The following RCOR3 variants were observed in gnomAD, a reference collection of about 807,000 sequenced individuals.
RCOR3 encodes REST corepressor 3.
RCOR3 carries 13 observed loss-of-function variants against 64.1 expected under a neutral mutation model. That is an observed-to-expected ratio of 0.20 (90% CI 0.13 to 0.32). The LOEUF is 0.32. Among genes scored for constraint, RCOR3 ranks in the 10% least tolerant of loss-of-function variants. The probability of loss-of-function intolerance (pLI) is 1.00; values close to 1 mark genes in which losing one functional copy is unlikely to be tolerated. For missense variants in RCOR3, 489 were observed against 701.2 expected (o/e 0.70, Z 3.42); for synonymous variants, 215 against 239.0 (o/e 0.90, Z 0.93).
chr1:211,308,542 T>C (rs148639738), intron 10 of RCOR3, among the ~76,000 whole-genome samples: 11 of 152,086 alleles, frequency 7.2e-5, no homozygotes, highest in African/African-American at 2.7e-4. Context: ...AAAATTAATG[T>C]TTCCCAGTTA....
In RCOR3 at chr1:211,295,541, A is replaced by T. The variant is rs74696020; in HGVS notation, c.940-135A>T. 27 of 684,366 alleles carry T rather than the reference A, an allele frequency of 3.9e-5. No homozygotes were observed. The East Asian group carries it at 6.8e-4, about 17-fold the overall frequency. The allele number at this position is 684,366 out of a possible 1,614,324, so 42.4% of individuals were successfully genotyped here. On this transcript the variant is annotated intron_variant, in intron 8 of 11. Coordinates refer to ENST00000419091, the MANE Select transcript of RCOR3 (RefSeq NM_001136223.3). ...TGAATTAGTGGCATGTCATACCCCA[A>T]GTGTGATTAGTATGACTATTCTCCT... is the stretch of plus-strand genomic sequence containing the variant.
intron 5 of RCOR3, among the ~76,000 whole-genome samples, chr1:211,277,866 G>C (rs550052534): frequency 5.9e-5 from 9 of 152,118 alleles, no homozygotes; most frequent in African/African-American, 2.2e-4. Context: ...GAACTTCTGG[G>C]GACATTCTCA....
Position 211,289,219 on chromosome 1 carries a change from T to TA in RCOR3, c.762_763insA (p.Gly255ArgfsTer18). The TA allele has an allele frequency of 6.2e-7, 1 of 1,614,132 alleles. No homozygotes were observed. The highest frequency in any genetic ancestry group is 8.5e-7 in the Non-Finnish European group (1 of 1,180,012). ...CTGTCCAAACTAGCAAGATTGGACT[T>TA]GGAAGAAGAGAGTATCAGAGTTTAC... is the stretch of plus-strand genomic sequence containing the variant. On this transcript the variant is annotated frameshift_variant, in exon 8 of 12. Transcript: ENST00000419091. LOFTEE classifies it high-confidence loss of function.
At position 211,313,890 on chromosome 1, in the gene RCOR3, T is replaced by G; in HGVS notation, c.*122T>G. 1 of 922,854 alleles carries G rather than the reference T, an allele frequency of 1.1e-6. No individual in the cohort carries two copies. The highest frequency in any genetic ancestry group is 1.6e-6 in the Non-Finnish European group (1 of 624,238). 57.2% of individuals were successfully genotyped at this position (922,854 alleles called of 1,614,324 possible). A position where few individuals can be genotyped will look rare whatever the true frequency, so the allele number is the denominator to read the frequency against. On this transcript the variant is annotated 3_prime_UTR_variant, in exon 12 of 12. Coordinates refer to ENST00000419091, the MANE Select transcript of RCOR3 (RefSeq NM_001136223.3). This position sits in a 1 kb window ranked among gnomAD's most constrained non-coding sequence, Gnocchi z 4.7. ...ATACTGAGGCTGCGAACTAGTTCTG[T>G]GGCAGTGGACTAGCATAAGTGGATG...
In RCOR3 at chr1:211,313,344, C is replaced by T. The variant is rs1701679299; in HGVS notation, c.1318-80C>T. 1.3e-6 allele frequency: 2 copies of T among 1,504,092 alleles called. No individual in the cohort carries two copies. Among genetic ancestry groups the T allele is most frequent in the Non-Finnish European group, 1.8e-6 (2 of 1,129,938 alleles). The allele number at this position is 1,504,092 out of a possible 1,614,324, so 93.2% of individuals were successfully genotyped here. A position where few individuals can be genotyped will look rare whatever the true frequency, so the allele number is the denominator to read the frequency against. On this transcript the variant is annotated intron_variant, in intron 11 of 11. Transcript: ENST00000419091. The surrounding 1 kb of genome is among the most constrained non-coding windows in gnomAD (Gnocchi z 4.7). ...TTTGTTTTGATTTGTTTTGTTTTTC[C>T]TGTGACAGCCCAAACTATATTGTAT...
At chr1:211,308,698 T>TTTTTTTTTTTTTTTTGTG (rs1701171863) in intron 10 of RCOR3, among the ~76,000 whole-genome samples, 1 of 40,874 alleles carries the variant, frequency 2.4e-5, no homozygotes, top group African/African-American at 6.9e-5. Context: ...TTTTTTTTTT[T>TTTTTTTTTTTTTTTTGTG]TGTGTAGTCC....
rs1189401665 is a variant in RCOR3, at chr1:211,314,669, A to G, written c.*901A>G. On this transcript the variant is annotated 3_prime_UTR_variant, in exon 12 of 12. Coordinates refer to ENST00000419091, the MANE Select transcript of RCOR3 (RefSeq NM_001136223.3). ...CCTACATCTGGGGACTTCAGAGAAG[A>G]ATTATATTTTGTTAGTTAAGTAGAC... 6.6e-6 allele frequency: 1 copy of G among 152,152 alleles called. No homozygotes were observed. The highest frequency in any genetic ancestry group is 1.5e-5 in the Non-Finnish European group (1 of 68,002). The allele number at this position is 152,152 out of a possible 1,614,324, so 9.4% of individuals were successfully genotyped here.
intron 10 of RCOR3, among the ~76,000 whole-genome samples, chr1:211,307,940 C>G (rs1351189073): frequency 1.3e-5 from 2 of 151,982 alleles, no homozygotes; most frequent in African/African-American, 4.8e-5. Flanking sequence ...GTTACCTTTT[C>G]TTGTAGTTCA....
Position 211,295,906 on chromosome 1 carries a change from A to G in RCOR3, c.1017+153A>G, listed in dbSNP as rs144224972. ...TATTATGTCTCTTTTTATTTAGATG[A>G]TCTTATGAGGCTTGGTTAATCATTT... On this transcript the variant is annotated intron_variant, in intron 9 of 11. Transcript: ENST00000419091. Among the ~76,000 whole-genome samples, 1,159 of 152,272 alleles carry G rather than the reference A, an allele frequency of 7.6e-3. 16 individuals carry two copies. Among genetic ancestry groups the G allele is most frequent in the African/African-American group, 0.026 (1,095 of 41,554 alleles).
rs190620859 is a variant in RCOR3, at chr1:211,268,456, C to G, written c.224-2776C>G. Among the ~76,000 whole-genome samples the G allele has an allele frequency of 9.9e-4, 147 of 149,006 alleles. 2 individuals carry two copies. The East Asian group carries it at 0.028, about 29-fold the overall frequency. On this transcript the variant is annotated intron_variant, in intron 2 of 11. Coordinates refer to ENST00000419091, the MANE Select transcript of RCOR3 (RefSeq NM_001136223.3). ...GTGCAATGGTGTGATCTCGGCTCAC[C>G]GCAACCTCCGCCTCCCAGGTTCAAG...
rs760986157 is a variant in RCOR3, at chr1:211,276,444, G to T, written c.516+26G>T. 5 of 1,587,404 alleles carry T rather than the reference G, an allele frequency of 3.1e-6. No individual in the cohort carries two copies. In the South Asian group the frequency reaches 4.6e-5, roughly 14 times the overall value. On this transcript the variant is annotated intron_variant, in intron 5 of 11. Transcript: ENST00000419091. Reference sequence around the variant, plus strand: ...GTATGGTAATTTTAATCTTACTGTGGTTCATATGTGAATGATATCTTAAGC... The same window carrying T: ...GTATGGTAATTTTAATCTTACTGTGTTTCATATGTGAATGATATCTTAAGC...
intron 2 of RCOR3, among the ~76,000 whole-genome samples, chr1:211,264,012 A>G (rs1343261163): frequency 6.6e-6 from 1 of 152,074 alleles, no homozygotes; most frequent in Non-Finnish European, 1.5e-5. Context: ...TTGTAGAGAA[A>G]AGGTTTCACC....
intron 7 of RCOR3, among the ~76,000 whole-genome samples, chr1:211,281,278 T>C (rs1048652603): frequency 1.3e-5 from 2 of 152,210 alleles, no homozygotes; most frequent in Non-Finnish European, 2.9e-5. Flanking sequence ...GTCTCAATTT[T>C]AGTGGCATCT....
In RCOR3 at chr1:211,313,506, C is replaced by T. The variant is rs1701694007; in HGVS notation, c.1400C>T (p.Ala467Val). 3 of 1,614,060 alleles carry T rather than the reference C, an allele frequency of 1.9e-6. No individual in the cohort carries two copies. Among genetic ancestry groups the T allele is most frequent in the Non-Finnish European group, 2.5e-6 (3 of 1,180,036 alleles). Residue 467 changes from alanine (A) to valine (V), a missense_variant, in exon 12 of 12, where the codon GCC becomes GTC. Around this residue, in one of 2 missense-constraint regions of RCOR3, gnomAD observed 402 missense variants for 617.0 expected, o/e 0.65. Coordinates refer to ENST00000419091, the MANE Select transcript of RCOR3 (RefSeq NM_001136223.3). This position sits in a 1 kb window ranked among gnomAD's most constrained non-coding sequence, Gnocchi z 4.7. ...ACTCCAACACCAACAGCCCCTATTG[C>T]CACTCTGAACCAGCCTCCACCACTT... is the stretch of plus-strand genomic sequence containing the variant. ...SSTPTPTAPI[A>V]TLNQPPPLLR...
intron 9 of RCOR3, among the ~76,000 whole-genome samples, chr1:211,298,794 C>T (rs1392776473): frequency 6.6e-6 from 1 of 152,046 alleles, no homozygotes; most frequent in Non-Finnish European, 1.5e-5. Context: ...ATCACGAGGT[C>T]AGGAGATCGA....
intron 7 of RCOR3, among the ~76,000 whole-genome samples, chr1:211,281,741 A>G (rs1257810907): frequency 2.0e-5 from 3 of 151,880 alleles, no homozygotes; most frequent in Admixed American, 6.6e-5. Flanking sequence ...ATTCCTCACA[A>G]CTCTACAAGA....
Position 211,313,310 on chromosome 1 carries a change from T to C in RCOR3, c.1318-114T>C, listed in dbSNP as rs368536517. 32 of 1,457,308 alleles carry C rather than the reference T, an allele frequency of 2.2e-5. No individual in the cohort carries two copies. Among genetic ancestry groups the C allele is most frequent in the African/African-American group, 2.9e-5 (2 of 70,012 alleles). 90.3% of individuals were successfully genotyped at this position (1,457,308 alleles called of 1,614,324 possible). ...GTGCTTCCAATAAACACTGGTGTTA[T>C]GTTTTTGTTTTGTTTTGATTTGTTT... On this transcript the variant is annotated intron_variant, in intron 11 of 11. Coordinates refer to ENST00000419091, the MANE Select transcript of RCOR3 (RefSeq NM_001136223.3). This position sits in a 1 kb window ranked among gnomAD's most constrained non-coding sequence, Gnocchi z 4.7.
rs1264803636 is a variant in RCOR3 at position 211,290,399 on chromosome 1, A to G, written c.939+1003A>G. 2.0e-5 allele frequency among the ~76,000 whole-genome samples: 3 copies of G among 152,216 alleles called. No individual in the cohort carries two copies. The East Asian group carries it at 5.8e-4, about 29-fold the overall frequency. On this transcript the variant is annotated intron_variant, in intron 8 of 11. Coordinates refer to ENST00000419091, the MANE Select transcript of RCOR3 (RefSeq NM_001136223.3). ...CCCAACACATGTAAACCAAAGTGGTAACCAAGTTATGTGAGTTTTGTCTCT... is the reference window on the plus strand; with the variant it reads ...CCCAACACATGTAAACCAAAGTGGTGACCAAGTTATGTGAGTTTTGTCTCT...
chr1:211,284,302 G>A (rs896697275), intron 7 of RCOR3, among the ~76,000 whole-genome samples: 4 of 151,810 alleles, frequency 2.6e-5, no homozygotes, highest in African/African-American at 2.4e-5. Context: ...GGATGGTCTC[G>A]ATCTCCTGAC....
Sources: allele counts gnomAD v4.1 joint callset (sites outside exome capture counted in the v4.1 genomes callset), GRCh38; gene constraint gnomAD v4.1.1; regional missense constraint gnomAD v4.1.1; non-coding constraint Gnocchi (gnomAD v3.1); transcripts MANE v1.5; gene names NCBI Gene and HGNC (gene_info 2026-07-23, HGNC 2026-07-21).